The following OVCH2 variants were observed in gnomAD, a reference collection of about 807,000 sequenced individuals.
OVCH2 encodes the protein ovochymase 2.
In OVCH2, 88 loss-of-function variants were observed where a neutral mutation model predicts 73.7. The ratio of observed to expected loss-of-function variants is 1.19; its 90% CI spans 1.01 to 1.43. The LOEUF (loss-of-function observed/expected upper bound fraction) is 1.43. OVCH2 is among the 40% of genes most tolerant of loss of function. The pLI, the probability that OVCH2 is intolerant of heterozygous loss-of-function variation, is 0.00. For missense variants in OVCH2, 706 were observed against 674.5 expected, an observed-to-expected ratio of 1.05 and a Z score of -0.52; for synonymous variants, 265 against 234.5, an observed-to-expected ratio of 1.13 and a Z score of -1.19.
the OVCH2 span, among the ~76,000 whole-genome samples, chr11:7,679,938 G>T: frequency 6.6e-6 from 1 of 152,228 alleles, no homozygotes; most frequent in Non-Finnish European, 1.5e-5. Flanking sequence ...GGCACAGTGT[G>T]CCGGGAGAAG....
At position 7,696,547 on chromosome 11, in the gene OVCH2, C is replaced by T; in HGVS notation, c.1059G>A (p.Val353=). The T allele has an allele frequency of 6.2e-7, 1 of 1,614,000 alleles. No homozygotes were observed. The highest frequency in any genetic ancestry group is 8.5e-7 in the Non-Finnish European group (1 of 1,179,886). The change falls in exon 10 of 16, where the codon GTG becomes GTA. Residue 353 remains valine, a synonymous_variant. Coordinates refer to ENST00000533663, the MANE Select transcript of OVCH2 (RefSeq NM_198185.7). ...WTLLVPEEMH[V]LLSFSHLDVE... ...CATCTAGGTGGGAAAAACTGAGCAA[C>T]ACATGCATTTCCTCTGGTACCAGCA...
At chr11:7,680,340 C>T in the OVCH2 span, among the ~76,000 whole-genome samples, 1 of 152,152 alleles carries the variant, frequency 6.6e-6, no homozygotes, top group Non-Finnish European at 1.5e-5. Context: ...AAAATTTCCA[C>T]AAATCTAGGG....
chr11:7,702,457 G>T lies in OVCH2; in HGVS notation c.291-128C>A, dbSNP rs1398434142. ...ATGGGGTGTGAGGCTGCTGAGCAGA[G>T]AAAGTGAGAATAATTCCAACACTGT... On this transcript the variant is annotated intron_variant, in intron 3 of 15. Coordinates refer to ENST00000533663, the MANE Select transcript of OVCH2 (RefSeq NM_198185.7). 33 of 728,974 alleles carry T rather than the reference G, an allele frequency of 4.5e-5. 1 individual carries two copies. The highest frequency in any genetic ancestry group is 3.9e-4 in the Middle Eastern group (1 of 2,568). 45.2% of individuals were successfully genotyped at this position (728,974 alleles called of 1,614,324 possible). A position where few individuals can be genotyped will look rare whatever the true frequency, so the allele number is the denominator to read the frequency against.
chr11:7,701,947 G>T (rs1856448238), intron 4 of OVCH2, 136 bp from the exon 5 acceptor site: 6 of 836,122 alleles, frequency 7.2e-6, no homozygotes, highest in Non-Finnish European at 1.1e-5. Flanking sequence ...ACCTCCAGGG[G>T]TTACTTGTCA....
At chr11:7,695,029 A>G (rs1360054232) in intron 12 of OVCH2, 29 bp downstream of exon 12, 9 of 1,540,244 alleles carry the variant, frequency 5.8e-6, no homozygotes, top group South Asian at 1.2e-5. Context: ...AATTTACCAT[A>G]GCTACGTAAG....
At chr11:7,697,483 A>T (rs931860568) in intron 8 of OVCH2, among the ~76,000 whole-genome samples, 1 of 152,154 alleles carries the variant, frequency 6.6e-6, no homozygotes, top group African/African-American at 2.4e-5. Flanking sequence ...TCATCTCTAC[A>T]TTTCTGAACT....
chr11:7,679,860 T>G, the OVCH2 span, among the ~76,000 whole-genome samples: 1 of 152,238 alleles, frequency 6.6e-6, no homozygotes, highest in African/African-American at 2.4e-5. Flanking sequence ...ATAACAAAGC[T>G]TCCATAAATA....
In OVCH2 at chr11:7,689,448, A is replaced by G. The variant is rs1015973049; in HGVS notation, c.*186T>C. On this transcript the variant is annotated 3_prime_UTR_variant, in exon 16 of 16. Transcript: ENST00000533663. ...TACCACAAACTAGGTGGCTTAGAAC[A>G]ACAGAAATTTATTGTCTCATAGTTC... 2.8e-5 allele frequency: 9 copies of G among 317,334 alleles called. No homozygotes were observed. Among genetic ancestry groups the G allele is most frequent in the Non-Finnish European group, 5.6e-5 (9 of 159,302 alleles). 19.7% of individuals were successfully genotyped at this position (317,334 alleles called of 1,614,324 possible).
intron 3 of OVCH2, 70 bp from the exon 4 acceptor site, chr11:7,702,399 A>G (rs1856461632): frequency 1.3e-5 from 16 of 1,199,978 alleles, no homozygotes; most frequent in Non-Finnish European, 1.7e-5. Flanking sequence ...TGGTTGACAC[A>G]CTAGCTTCTT....
At chr11:7,679,185 A>C in the OVCH2 span, among the ~76,000 whole-genome samples, 7 of 152,240 alleles carry the variant, frequency 4.6e-5, no homozygotes, top group Non-Finnish European at 7.3e-5. Context: ...GTAGCTGTGC[A>C]TGATATTGTG....
intron 5 of OVCH2, 103 bp from the exon 6 acceptor site, chr11:7,701,578 T>A: frequency 6.7e-7 from 1 of 1,487,588 alleles, no homozygotes; most frequent in South Asian, 1.3e-5. Context: ...CTTGAATTTC[T>A]AAGTACAATG....
intron 6 of OVCH2, 37 bp from the exon 7 acceptor site, chr11:7,700,522 A>G (rs1187866195): frequency 3.8e-6 from 6 of 1,559,228 alleles, no homozygotes; most frequent in Non-Finnish European, 5.2e-6. Context: ...CATCACTGTC[A>G]GTGTCTATGC....
chr11:7,681,418 C>T, the OVCH2 span, among the ~76,000 whole-genome samples: 4 of 152,228 alleles, frequency 2.6e-5, no homozygotes, highest in African/African-American at 4.8e-5. Context: ...CTCCTGGCAA[C>T]GTGGGGCTAA....
In OVCH2 at chr11:7,701,324, C is replaced by G; in HGVS notation, c.711G>C (p.Gln237His). Residue 237 changes from glutamine to histidine, a missense_variant and splice_region_variant, in exon 6 of 16, where the codon CAG (glutamine) becomes CAC (histidine). Coordinates refer to ENST00000533663, the MANE Select transcript of OVCH2 (RefSeq NM_198185.7). ...GFPDGGRDAC[Q>H]GDSGGSLMCR... Reference sequence around the variant, plus strand: ...TGACAGCCCCGCAGCTCCCACCCACCTGACATGCGTCTCTCCCTCCATCAG... The same window carrying G: ...TGACAGCCCCGCAGCTCCCACCCACGTGACATGCGTCTCTCCCTCCATCAG... The G allele has an allele frequency of 1.2e-6, 2 of 1,610,406 alleles. No individual in the cohort carries two copies. The highest frequency in any genetic ancestry group is 2.2e-5 in the South Asian group (2 of 90,140).
chr11:7,679,973 C>T, the OVCH2 span, among the ~76,000 whole-genome samples: 3 of 152,206 alleles, frequency 2.0e-5, no homozygotes, highest in African/African-American at 4.8e-5. Flanking sequence ...TGACCCTTCC[C>T]ATATGCCTTG....
chr11:7,683,038 A>T, the OVCH2 span, among the ~76,000 whole-genome samples: 1 of 152,176 alleles, frequency 6.6e-6, no homozygotes, highest in African/African-American at 2.4e-5. Flanking sequence ...ACCCCTGGAA[A>T]TGTTGGAGTG....
downstream of OVCH2, among the ~76,000 whole-genome samples, chr11:7,686,449 A>G (rs1342199101): frequency 2.0e-5 from 3 of 152,222 alleles, no homozygotes; most frequent in African/African-American, 7.2e-5. Context: ...ATTATCGCTT[A>G]ATGTATGTTA....
Position 7,691,405 on chromosome 11 carries a change from T to C in OVCH2, c.1508-5A>G. ...CATCATAGCCACACAGCCGAGCTTG[T>C]TGAAGGCCAGCCCAGGCATGACATT... is the stretch of plus-strand genomic sequence containing the variant. On this transcript the variant is annotated splice_region_variant and splice_polypyrimidine_tract_variant and intron_variant, in intron 13 of 15. Coordinates refer to ENST00000533663, the MANE Select transcript of OVCH2 (RefSeq NM_198185.7). The C allele has an allele frequency of 6.2e-7, 1 of 1,610,444 alleles. No individual in the cohort carries two copies. The highest frequency in any genetic ancestry group is 8.5e-7 in the Non-Finnish European group (1 of 1,177,648).
rs1337863943 is a variant in OVCH2, at chr11:7,695,087, A to C, written c.1384T>G (p.Phe462Val). The C allele has an allele frequency of 6.4e-7, 1 of 1,551,336 alleles. No individual in the cohort carries two copies. The highest frequency in any genetic ancestry group is 1.2e-5 in the South Asian group (1 of 83,812). The change falls in exon 12 of 16, where the codon TTT becomes GTT. Residue 462 changes from phenylalanine to valine, a missense_variant. By Grantham distance (50) the Phe-to-Val change is conservative (BLOSUM62 -1). Coordinates refer to ENST00000533663, the MANE Select transcript of OVCH2 (RefSeq NM_198185.7). ...YSDKANCDWI[F>V]QASKHHLIKL... ...ATTAGGTGATGTTTGGAGGCTTGAA[A>C]AATCCAGTCACAGTTAGCCTTGTCA...
Sources: allele counts gnomAD v4.1 joint callset (sites outside exome capture counted in the v4.1 genomes callset), GRCh38; gene constraint gnomAD v4.1.1; transcripts MANE v1.5; gene names NCBI Gene and HGNC (gene_info 2026-07-23, HGNC 2026-07-21).